Variants in NAV2 observed in about 807,000 individuals in gnomAD.
NAV2 encodes the protein helicase, APC down-regulated 1.
In NAV2, 54 loss-of-function variants were observed where a neutral mutation model predicts 223.2. That is an observed-to-expected ratio of 0.24 (90% confidence interval 0.19 to 0.30). The LOEUF (loss-of-function observed/expected upper bound fraction) is 0.30, where lower values mean the gene tolerates loss of function less well. NAV2 is among the 10% of genes least tolerant of loss of function. The pLI is 1.00. For synonymous variants in NAV2, 1,279 were observed against 1,239.3 expected (o/e 1.03, Z -0.67); for missense variants, 2,806 against 3,147.5 (o/e 0.89, Z 2.60).
intron 5 of NAV2, among the ~76,000 whole-genome samples, chr11:19,888,445 C>T (rs2041214419): frequency 6.6e-6 from 1 of 152,188 alleles, no homozygotes; most frequent in Admixed American, 6.5e-5. Flanking sequence ...CAGATGCTTC[C>T]AGACTGGAGG....
At chr11:20,020,903 C>G (rs2054449166) in intron 11 of NAV2, among the ~76,000 whole-genome samples, 2 of 152,178 alleles carry the variant, frequency 1.3e-5, no homozygotes, top group African/African-American at 2.4e-5. Context: ...GCTCACTGCT[C>G]CAGCCACTCA....
chr11:19,396,509 G>T (rs1590119321), intron 1 of NAV2, among the ~76,000 whole-genome samples: 1 of 152,124 alleles, frequency 6.6e-6, no homozygotes, highest in Admixed American at 6.5e-5. Context: ...CTCTTGTCTG[G>T]GGCTCCCCTA....
At chr11:19,381,126 T>C (rs1848824069) in intron 1 of NAV2, among the ~76,000 whole-genome samples, 1 of 152,168 alleles carries the variant, frequency 6.6e-6, no homozygotes, top group Non-Finnish European at 1.5e-5. Context: ...TCCTTTGACA[T>C]TCAGCCAGGC....
At position 20,049,111 on chromosome 11, in the gene NAV2, C is replaced by T. The variant is rs900347429; in HGVS notation, c.4286C>T (p.Ser1429Phe). The change falls in exon 15 of 38, where the codon TCC becomes TTC. Residue 1429 changes from serine (S) to phenylalanine (F), a missense_variant. Ser to Phe is a radical substitution (Grantham distance 155). Transcript: ENST00000349880. The part of the protein sequence containing the change: ...SSGGVPSHNS[S>F]TGLIASSKDD... Reference sequence around the variant, plus strand: ...GGAGGGGTCCCCAGCCACAATTCTTCCACTGGCCTCATCGCCTCCTCCAAG... The same window carrying T: ...GGAGGGGTCCCCAGCCACAATTCTTTCACTGGCCTCATCGCCTCCTCCAAG... 3 of 1,614,010 alleles carry T rather than the reference C, an allele frequency of 1.9e-6. No individual in the cohort carries two copies. In the African/African-American group the frequency reaches 4.0e-5, roughly 22 times the overall value.
intron 1 of NAV2, among the ~76,000 whole-genome samples, chr11:19,830,593 T>C (rs1590779618): frequency 6.6e-6 from 1 of 152,210 alleles, no homozygotes; most frequent in Non-Finnish European, 1.5e-5. Context: ...TGTATGTTAG[T>C]TGGATTTATT....
At chr11:19,994,023 TA>T (rs2051609243) in intron 11 of NAV2, among the ~76,000 whole-genome samples, 1 of 152,158 alleles carries the variant, frequency 6.6e-6, no homozygotes, top group African/African-American at 2.4e-5. Flanking sequence ...ATAGAGACTT[TA>T]ACCATGTGCC....
At chr11:19,553,375 G>C (rs2044752335) in intron 1 of NAV2, among the ~76,000 whole-genome samples, 1 of 152,194 alleles carries the variant, frequency 6.6e-6, no homozygotes, top group Non-Finnish European at 1.5e-5. Flanking sequence ...TGTTCCTGGG[G>C]TTCTTCCCAG....
In NAV2 at chr11:19,436,972, A is replaced by AT. The variant is rs1851239727; in HGVS notation, c.75+85950dup. Among the ~76,000 whole-genome samples the AT allele has an allele frequency of 2.0e-5, 3 of 152,136 alleles. No homozygotes were observed. In the South Asian group the frequency reaches 6.2e-4, roughly 32 times the overall value. ...TAAGTTCTTTTATAAGTTATAACAC[A>AT]TTTTTGGTGGAGTCTAAAGGATTTT... On this transcript the variant is annotated intron_variant, in intron 1 of 37. Coordinates refer to the NAV2 transcript ENST00000360655.
intron 1 of NAV2, among the ~76,000 whole-genome samples, chr11:19,818,666 C>T (rs935552315): frequency 6.6e-6 from 1 of 152,156 alleles, no homozygotes; most frequent in Admixed American, 6.5e-5. Context: ...CCATGCCTGC[C>T]CTGGCATACC....
chr11:19,907,580 G>A (rs1186470974), intron 6 of NAV2, among the ~76,000 whole-genome samples: 1 of 152,088 alleles, frequency 6.6e-6, no homozygotes, highest in Non-Finnish European at 1.5e-5. Context: ...AACACTGAAA[G>A]AAGCATTTGT....
rs1248773337 is a variant in NAV2, at chr11:19,691,071, G to A, written c.76-141413G>A. Among the ~76,000 whole-genome samples, 3 of 152,172 alleles carry A rather than the reference G, an allele frequency of 2.0e-5. No homozygotes were observed. The East Asian group carries it at 5.8e-4, about 29-fold the overall frequency. ...CCTGGGGATCTTGTTAAAAATGTAG[G>A]CTTTGCTACAGTAGAGCTGGAGAGT... On this transcript the variant is annotated intron_variant, in intron 1 of 37. Coordinates refer to the NAV2 transcript ENST00000360655.
intron 1 of NAV2, among the ~76,000 whole-genome samples, chr11:19,799,960 A>T (rs1202503565): frequency 1.3e-5 from 2 of 152,198 alleles, no homozygotes; most frequent in Non-Finnish European, 2.9e-5. Context: ...TGGAGAAATT[A>T]TTTTAACTGT....
At chr11:19,390,150 C>T (rs920282651) in intron 1 of NAV2, among the ~76,000 whole-genome samples, 1 of 152,178 alleles carries the variant, frequency 6.6e-6, no homozygotes, top group Non-Finnish European at 1.5e-5. Flanking sequence ...AGGATCCTCA[C>T]CATGGTCATT....
At chr11:19,845,609 A>G (rs959499265) in intron 3 of NAV2, among the ~76,000 whole-genome samples, 1 of 152,218 alleles carries the variant, frequency 6.6e-6, no homozygotes, top group Non-Finnish European at 1.5e-5. Flanking sequence ...TTGTATCCTC[A>G]GCTCAAGAGT....
chr11:19,697,493 G>GAGACAAGAT (rs1281417317), intron 1 of NAV2, among the ~76,000 whole-genome samples: 21 of 151,780 alleles, frequency 1.4e-4, no homozygotes, highest in African/African-American at 4.6e-4. Flanking sequence ...AATGCAGGAA[G>GAGACAAGAT]AGACAAGATA....
chr11:19,833,402 G>A lies in NAV2; in HGVS notation c.385+801G>A, dbSNP rs1489044945. ...TGTGAGAAGTAGTCTTTCATAGTTG[G>A]AGCTCTGCTCAAATCCGTGGAGTAC... On this transcript the variant is annotated intron_variant, in intron 2 of 37. Coordinates refer to ENST00000349880, the MANE Select transcript of NAV2 (RefSeq NM_145117.5). 2.0e-5 allele frequency among the ~76,000 whole-genome samples: 3 copies of A among 152,222 alleles called. No homozygotes were observed. The East Asian group carries it at 5.8e-4, about 29-fold the overall frequency.
At chr11:19,351,109 C>T (rs1224119814) in intron 1 of NAV2, 34 of 1,335,602 alleles carry the variant, frequency 2.5e-5, no homozygotes, top group Non-Finnish European at 2.9e-5. Flanking sequence ...TGGTCATCAT[C>T]GAGCATGCTT....
chr11:19,570,605 CA>C (rs1464496575), intron 1 of NAV2, among the ~76,000 whole-genome samples: 4 of 151,788 alleles, frequency 2.6e-5, no homozygotes, highest in African/African-American at 9.7e-5. Context: ...ATAAATAAAC[CA>C]ATTAAAAAGT....
chr11:20,031,636 G>C (rs146277870), intron 11 of NAV2, among the ~76,000 whole-genome samples: 1 of 152,282 alleles, frequency 6.6e-6, no homozygotes, highest in African/African-American at 2.4e-5. Context: ...ATCCCTCTCA[G>C]CTCTGCTTCC....
Sources: allele counts gnomAD v4.1 joint callset (sites outside exome capture counted in the v4.1 genomes callset), GRCh38; gene constraint gnomAD v4.1.1; transcripts MANE v1.5; gene names NCBI Gene and HGNC (gene_info 2026-07-23, HGNC 2026-07-21).